Variants in ZFHX3 observed in about 807,000 individuals in gnomAD.
ZFHX3 encodes the protein zinc finger homeobox 3.
A neutral mutation model predicts 279.1 loss-of-function variants in ZFHX3; 42 were observed. That is an observed-to-expected ratio of 0.15 (90% CI 0.12 to 0.19). The LOEUF is 0.19. Ranked by LOEUF, ZFHX3 falls within the 10% of genes least tolerant of loss-of-function variation. The pLI, the probability that ZFHX3 is intolerant of heterozygous loss-of-function variation, is 1.00. For missense variants in ZFHX3, 4,981 were observed against 4,754.0 expected (o/e 1.05, Z -1.40); for synonymous variants, 2,293 against 1,957.8 (o/e 1.17, Z -4.52).
intron 1 of ZFHX3, among the ~76,000 whole-genome samples, chr16:73,837,570 G>C (rs1037963619): frequency 6.6e-6 from 1 of 152,166 alleles, no homozygotes; most frequent in Non-Finnish European, 1.5e-5. Flanking sequence ...AGAATTCTTG[G>C]AAGCACACAC....
intron 3 of ZFHX3, among the ~76,000 whole-genome samples, chr16:73,359,934 G>A (rs9932243): frequency 6.6e-6 from 1 of 152,000 alleles, no homozygotes; most frequent in East Asian, 1.9e-4. Flanking sequence ...AAATAACTAT[G>A]GGTAGAAAAC....
chr16:72,928,388 G>A (rs1468163336), intron 3 of ZFHX3, among the ~76,000 whole-genome samples: 1 of 152,022 alleles, frequency 6.6e-6, no homozygotes, highest in Non-Finnish European at 1.5e-5. Flanking sequence ...TGCTGTCCAT[G>A]CATCCAGGAC....
At chr16:73,790,271 T>C (rs1385888729) in intron 1 of ZFHX3, among the ~76,000 whole-genome samples, 1 of 152,046 alleles carries the variant, frequency 6.6e-6, no homozygotes, top group Non-Finnish European at 1.5e-5. Flanking sequence ...GTGTCTTTTT[T>C]TTTTTTTCAT....
chr16:73,624,107 A>T (rs1488937796), intron 2 of ZFHX3, among the ~76,000 whole-genome samples: 1 of 152,228 alleles, frequency 6.6e-6, no homozygotes, highest in Non-Finnish European at 1.5e-5. Context: ...TTAAGCTCAT[A>T]TCCTAGGATG....
chr16:73,633,315 A>G (rs868667664), intron 2 of ZFHX3, among the ~76,000 whole-genome samples: 4 of 152,230 alleles, frequency 2.6e-5, no homozygotes, highest in South Asian at 2.1e-4. Flanking sequence ...AAAAAACATG[A>G]AGTATGTTCA....
intron 3 of ZFHX3, among the ~76,000 whole-genome samples, chr16:72,907,143 C>T (rs532283702): frequency 8.5e-5 from 13 of 152,250 alleles, no homozygotes; most frequent in East Asian, 1.9e-4. Flanking sequence ...AGTCTATGGA[C>T]GCTTTTATAT....
intron 3 of ZFHX3, among the ~76,000 whole-genome samples, chr16:73,431,394 G>C (rs1567482092): frequency 6.6e-6 from 1 of 152,152 alleles, no homozygotes; most frequent in East Asian, 1.9e-4. Context: ...ACAAAAATTA[G>C]CCGGGCTATG....
chr16:73,422,029 A>G (rs2017727899), intron 3 of ZFHX3, among the ~76,000 whole-genome samples: 1 of 152,070 alleles, frequency 6.6e-6, no homozygotes, highest in African/African-American at 2.4e-5. Flanking sequence ...CAAAAGGTAC[A>G]TTTCCTCTAC....
chr16:73,588,068 T>C (rs567550108), intron 2 of ZFHX3, among the ~76,000 whole-genome samples: 2 of 151,616 alleles, frequency 1.3e-5, no homozygotes, highest in African/African-American at 4.9e-5. Context: ...TCTGAATACA[T>C]GCAGTTAAAC....
At position 72,959,798 on chromosome 16, in the gene ZFHX3, G is replaced by A. The variant is rs755135627; in HGVS notation, c.348C>T (p.Thr116=). Reference sequence around the variant, plus strand: ...CACTCTCCTCGTCCCCCTCCTCACCGGTGTCGCTGGCGCTCTCCTCTCTCA... The same window carrying A: ...CACTCTCCTCGTCCCCCTCCTCACCAGTGTCGCTGGCGCTCTCCTCTCTCA... ...PPLREESASD[T]GEEGDEESDV... is the part of the protein sequence containing the mutation. The change falls in exon 2 of 10, where the codon ACC becomes ACT. Residue 116 remains threonine (T), a synonymous_variant. Coordinates refer to ENST00000268489, the MANE Select transcript of ZFHX3 (RefSeq NM_006885.4). 15 of 1,597,374 alleles carry A rather than the reference G, an allele frequency of 9.4e-6. No homozygotes were observed. The highest frequency in any genetic ancestry group is 2.2e-5 in the East Asian group (1 of 44,648).
At chr16:73,631,927 TCA>T (rs60955432) in intron 2 of ZFHX3, among the ~76,000 whole-genome samples, 3,554 of 136,710 alleles carry the variant, frequency 0.026, 114 homozygotes, top group African/African-American at 0.078. Context: ...TCTCTCTCTC[TCA>T]CACACACACA....
intron 5 of ZFHX3, among the ~76,000 whole-genome samples, chr16:73,253,856 AC>A (rs2013584770): frequency 6.6e-6 from 1 of 152,156 alleles, no homozygotes; most frequent in African/African-American, 2.4e-5. Flanking sequence ...TATGTGGCCA[AC>A]AGAGGGAGAA....
intron 7 of ZFHX3, chr16:72,806,052 G>A (rs1190758092): frequency 6.6e-6 from 1 of 152,214 alleles, no homozygotes; most frequent in Non-Finnish European, 1.5e-5. Flanking sequence ...ACCACTCTCA[G>A]CAATTTTTTG....
intron 3 of ZFHX3, among the ~76,000 whole-genome samples, chr16:72,908,421 T>C (rs1410818417): frequency 1.3e-5 from 2 of 152,128 alleles, no homozygotes; most frequent in Non-Finnish European, 2.9e-5. Context: ...AAACAGCTGC[T>C]CAGGTGACGA....
At chr16:72,868,612 C>T (rs748420577) in intron 4 of ZFHX3, among the ~76,000 whole-genome samples, 7 of 152,214 alleles carry the variant, frequency 4.6e-5, no homozygotes, top group Non-Finnish European at 1.0e-4. Flanking sequence ...CACCCGTTCG[C>T]GCTCTATCTT....
At chr16:72,899,025 A>G (rs973394328) in intron 3 of ZFHX3, among the ~76,000 whole-genome samples, 8 of 152,162 alleles carry the variant, frequency 5.3e-5, no homozygotes, top group Non-Finnish European at 1.0e-4. Context: ...TCCAGAAACA[A>G]CCTAGAGCTT....
At chr16:73,507,896 GC>G (rs2019356361) in intron 2 of ZFHX3, among the ~76,000 whole-genome samples, 1 of 152,116 alleles carries the variant, frequency 6.6e-6, no homozygotes, top group Non-Finnish European at 1.5e-5. Flanking sequence ...TAATGAGTTT[GC>G]ACAATTTTTG....
At chr16:73,840,952 C>A (rs1342447761) in intron 1 of ZFHX3, among the ~76,000 whole-genome samples, 1 of 152,132 alleles carries the variant, frequency 6.6e-6, no homozygotes, top group East Asian at 1.9e-4. Flanking sequence ...CCTATCCCCT[C>A]CACCCCAAAG....
Position 73,396,780 on chromosome 16 carries a change from T to A in ZFHX3, c.-1291+59223A>T, listed in dbSNP as rs568240505. 3.9e-5 allele frequency among the ~76,000 whole-genome samples: 6 copies of A among 152,248 alleles called. No individual in the cohort carries two copies. The South Asian group carries it at 1.2e-3, about 32-fold the overall frequency. Reference sequence around the variant, plus strand: ...TCCCTCGACATGTAGGGGTTACAATTAAAGATGAGAGTTGGGTGGGGACAC... The same window carrying A: ...TCCCTCGACATGTAGGGGTTACAATAAAAGATGAGAGTTGGGTGGGGACAC... On this transcript the variant is annotated intron_variant, in intron 3 of 17. Coordinates refer to the ZFHX3 transcript ENST00000641206.
Sources: gnomAD v4.1 joint callset for allele counts (sites outside exome capture counted in the v4.1 genomes callset) on GRCh38, gnomAD v4.1.1 for gene constraint, MANE v1.5 for transcripts, NCBI Gene and HGNC (gene_info 2026-07-23, HGNC 2026-07-21) for gene names.